MYT1L: variants seen among roughly 807,000 people sequenced by gnomAD.
MYT1L encodes the protein myelin transcription factor 1-like protein.
A neutral mutation model predicts 126.7 loss-of-function variants in MYT1L; 12 were observed. The ratio of observed to expected loss-of-function variants is 0.09; its 90% CI spans 0.06 to 0.15. The LOEUF is 0.15. MYT1L is among the 10% of genes least tolerant of loss of function. The probability of loss-of-function intolerance (pLI) is 1.00; values close to 1 mark genes in which losing one functional copy is unlikely to be tolerated. For synonymous variants in MYT1L, 541 were observed against 604.2 expected (o/e 0.90, Z 1.53); for missense variants, 979 against 1,585.2 (o/e 0.62, Z 6.49).
intron 1 of MYT1L, among the ~76,000 whole-genome samples, chr2:2,316,264 T>C (rs530716904): frequency 2.0e-5 from 3 of 152,302 alleles, no homozygotes; most frequent in Admixed American, 6.5e-5. Flanking sequence ...CTCTTTTGAG[T>C]TGGTGAGAAC....
chr2:2,320,752 G>C (rs2096149430), intron 1 of MYT1L, among the ~76,000 whole-genome samples: 1 of 152,172 alleles, frequency 6.6e-6, no homozygotes, highest in Non-Finnish European at 1.5e-5. Flanking sequence ...CCAAGTACAA[G>C]TGGTCTCTGT....
intron 3 of MYT1L, among the ~76,000 whole-genome samples, chr2:2,160,017 C>T (rs2087575757): frequency 6.6e-6 from 1 of 152,112 alleles, no homozygotes; most frequent in Non-Finnish European, 1.5e-5. Context: ...TGAGCGGCAA[C>T]CCATGTCTCT....
chr2:2,072,632 T>C (rs1348350022), intron 3 of MYT1L, among the ~76,000 whole-genome samples: 11 of 152,160 alleles, frequency 7.2e-5, no homozygotes, highest in Non-Finnish European at 2.9e-5. Context: ...GCAAATCCGA[T>C]CTCCAATTGT....
intron 18 of MYT1L, among the ~76,000 whole-genome samples, chr2:1,873,105 G>A (rs928889251): frequency 6.6e-5 from 10 of 152,190 alleles, no homozygotes; most frequent in Non-Finnish European, 1.0e-4. Flanking sequence ...GGTGGAGAGA[G>A]GGTCCGCTCT....
At position 2,000,759 on chromosome 2, in the gene MYT1L, C is replaced by A. The variant is rs555632816; in HGVS notation, c.-157-3412G>T. Among the ~76,000 whole-genome samples the A allele has an allele frequency of 1.3e-4, 20 of 152,280 alleles. No homozygotes were observed. The South Asian group carries it at 4.1e-3, about 32-fold the overall frequency. On this transcript the variant is annotated intron_variant, in intron 4 of 24. Transcript: ENST00000647738. Reference sequence around the variant, plus strand: ...TTTTTTTTCAGAATGGGGACCTCCACGTAAGGGTTCTAAGGCCCTGCATGT... The same window carrying A: ...TTTTTTTTCAGAATGGGGACCTCCAAGTAAGGGTTCTAAGGCCCTGCATGT...
chr2:2,011,690 A>C (rs1428620727), intron 4 of MYT1L, among the ~76,000 whole-genome samples: 1 of 152,246 alleles, frequency 6.6e-6, no homozygotes. Context: ...TAATAGAATG[A>C]CAACCCAGTT....
chr2:2,013,764 G>C (rs2064076837), intron 4 of MYT1L, among the ~76,000 whole-genome samples: 1 of 152,220 alleles, frequency 6.6e-6, no homozygotes, highest in South Asian at 2.1e-4. Flanking sequence ...GGCCCAGGTG[G>C]GCTCCAAGAA....
At chr2:2,280,301 C>T (rs1007626770) in intron 2 of MYT1L, among the ~76,000 whole-genome samples, 1 of 152,212 alleles carries the variant, frequency 6.6e-6, no homozygotes, top group African/African-American at 2.4e-5. Flanking sequence ...GTATGGTTCA[C>T]AGCTTTACGT....
At position 1,917,112 on chromosome 2, in the gene MYT1L, C is replaced by T. The variant is rs144937755; in HGVS notation, c.1618+93G>A. 71 of 1,446,758 alleles carry T rather than the reference C, an allele frequency of 4.9e-5. No individual in the cohort carries two copies. The East Asian group carries it at 1.3e-3, about 26-fold the overall frequency. 89.6% of individuals were successfully genotyped at this position (1,446,758 alleles called of 1,614,324 possible). A position where few individuals can be genotyped will look rare whatever the true frequency, so the allele number is the denominator to read the frequency against. On this transcript the variant is annotated intron_variant, in intron 11 of 24. Coordinates refer to ENST00000647738, the MANE Select transcript of MYT1L (RefSeq NM_001303052.2). This position sits in a 1 kb window ranked among gnomAD's most constrained non-coding sequence, Gnocchi z 5.9. ...CTAGTTAAATCAGGTCGCACCGAGC[C>T]GTACAATGGAGATGATGTCAGGTAA...
At chr2:2,268,450 C>G (rs1370868920) in intron 2 of MYT1L, among the ~76,000 whole-genome samples, 1 of 152,036 alleles carries the variant, frequency 6.6e-6, no homozygotes, top group Admixed American at 6.6e-5. Flanking sequence ...TCAGTTTTTC[C>G]ACATTTAGAC....
At chr2:1,808,432 T>C (rs2036063434) in intron 22 of MYT1L, among the ~76,000 whole-genome samples, 2 of 152,152 alleles carry the variant, frequency 1.3e-5, no homozygotes, top group Admixed American at 1.3e-4. Context: ...ATTGCCTGCG[T>C]CTACAAATTA....
intron 2 of MYT1L, among the ~76,000 whole-genome samples, chr2:2,255,168 A>G (rs1396253409): frequency 6.6e-6 from 1 of 152,198 alleles, no homozygotes; most frequent in African/African-American, 2.4e-5. Flanking sequence ...TAAATGTAGG[A>G]AGTGATCCTC....
chr2:2,299,909 T>C (rs1246572005), intron 1 of MYT1L, among the ~76,000 whole-genome samples: 3 of 152,214 alleles, frequency 2.0e-5, no homozygotes, highest in South Asian at 4.1e-4. Context: ...TACTGATGTA[T>C]TGTGTCCTTT....
At chr2:1,816,804 G>A (rs1029267000) in intron 21 of MYT1L, 1 of 152,752 alleles carries the variant, frequency 6.5e-6, no homozygotes, top group Non-Finnish European at 1.5e-5. Context: ...CTATGCCCCA[G>A]TGTATGCACA....
At chr2:1,958,601 G>C (rs1417914378) in intron 8 of MYT1L, among the ~76,000 whole-genome samples, 1 of 152,352 alleles carries the variant, frequency 6.6e-6, no homozygotes, top group East Asian at 1.9e-4. Flanking sequence ...CAGGGCTCCA[G>C]GAGCTGCTGC....
intron 19 of MYT1L, among the ~76,000 whole-genome samples, chr2:1,846,922 T>C (rs879921757): frequency 6.6e-6 from 1 of 152,196 alleles, no homozygotes; most frequent in Non-Finnish European, 1.5e-5. Context: ...GCAGACTTGC[T>C]CCTGGCTCTT....
intron 1 of MYT1L, among the ~76,000 whole-genome samples, chr2:2,317,897 T>G (rs1328820042): frequency 6.6e-6 from 1 of 152,092 alleles, no homozygotes; most frequent in Non-Finnish European, 1.5e-5. Context: ...GGGACTCTAA[T>G]GCAAGCCAAA....
At chr2:2,262,611 T>G (rs1041693789) in intron 2 of MYT1L, among the ~76,000 whole-genome samples, 16 of 146,840 alleles carry the variant, frequency 1.1e-4, no homozygotes, top group South Asian at 2.2e-4. Flanking sequence ...CAGAATGGCA[T>G]GAACCCAGGA....
chr2:1,863,569 G>A (rs1018200666), intron 18 of MYT1L, among the ~76,000 whole-genome samples: 2 of 152,072 alleles, frequency 1.3e-5, no homozygotes, highest in Non-Finnish European at 2.9e-5. Context: ...CCCGACCCCC[G>A]GAAGGATAGA....
Sources: allele counts gnomAD v4.1 joint callset (sites outside exome capture counted in the v4.1 genomes callset), GRCh38; gene constraint gnomAD v4.1.1; non-coding constraint Gnocchi (gnomAD v3.1); transcripts MANE v1.5; gene names NCBI Gene and HGNC (gene_info 2026-07-23, HGNC 2026-07-21).